Variants in EPHA6 observed in about 807,000 individuals in gnomAD.
EPHA6 encodes the protein EPH receptor A6, also known as ephrin type-A receptor 6.
EPHA6 carries 50 observed loss-of-function variants against 112.0 expected under a neutral mutation model. The ratio of observed to expected loss-of-function variants is 0.45; its 90% CI spans 0.36 to 0.56. EPHA6 has a LOEUF of 0.56. Ranked by LOEUF, EPHA6 falls within the 20% of genes least tolerant of loss-of-function variation. The pLI, the probability that EPHA6 is intolerant of heterozygous loss-of-function variation, is 0.00. For synonymous variants in EPHA6, 529 were observed against 490.7 expected (o/e 1.08, Z -1.03); for missense variants, 1,280 against 1,417.4 (o/e 0.90, Z 1.56).
Position 97,758,982 on chromosome 3 carries a change from T to A in EPHA6, c.*10281T>A, listed in dbSNP as rs1202917438. Among the ~76,000 whole-genome samples, 1 of 151,944 alleles carries A rather than the reference T, an allele frequency of 6.6e-6. No homozygotes were observed. The highest frequency in any genetic ancestry group is 2.4e-5 in the African/African-American group (1 of 41,410). ...TCACTACTTCAAGATTTGGAAGGCA[T>A]CAGTATATATATGCTATTTAAAGTT... is the stretch of plus-strand genomic sequence containing the variant. On this transcript the variant is annotated 3_prime_UTR_variant, in exon 18 of 18. Coordinates refer to ENST00000389672, the MANE Select transcript of EPHA6 (RefSeq NM_001080448.3).
intron 3 of EPHA6, among the ~76,000 whole-genome samples, chr3:97,137,381 C>G (rs1339729136): frequency 6.6e-6 from 1 of 152,092 alleles, no homozygotes; most frequent in East Asian, 1.9e-4. Flanking sequence ...TAGAGTCAAA[C>G]TGCTTGGATT....
At chr3:96,997,237 CCTT>C (rs1161299499) in intron 3 of EPHA6, among the ~76,000 whole-genome samples, 4 of 152,034 alleles carry the variant, frequency 2.6e-5, no homozygotes, top group African/African-American at 9.7e-5. Flanking sequence ...CACTAAAACT[CCTT>C]CTCAACAATA....
At chr3:97,419,342 G>T (rs2088413349) in intron 6 of EPHA6, among the ~76,000 whole-genome samples, 1 of 151,804 alleles carries the variant, frequency 6.6e-6, no homozygotes, top group Non-Finnish European at 1.5e-5. Context: ...AAACAGAAGG[G>T]GTCAGGCACG....
chr3:97,662,519 C>T (rs1005709286), intron 14 of EPHA6, among the ~76,000 whole-genome samples: 8 of 152,146 alleles, frequency 5.3e-5, no homozygotes, highest in African/African-American at 1.9e-4. Context: ...TGAGAGAATG[C>T]ATCCCAGTTC....
chr3:97,590,612 C>T (rs2093534108), intron 11 of EPHA6, among the ~76,000 whole-genome samples: 1 of 151,938 alleles, frequency 6.6e-6, no homozygotes, highest in Non-Finnish European at 1.5e-5. Context: ...TTTCTTTGCT[C>T]TTCATGACTA....
intron 14 of EPHA6, among the ~76,000 whole-genome samples, chr3:97,701,911 T>C (rs1327881010): frequency 2.0e-5 from 3 of 152,172 alleles, no homozygotes; most frequent in Non-Finnish European, 4.4e-5. Flanking sequence ...GAGTGCCAAG[T>C]TGAAAATAAT....
chr3:96,819,827 A>G (rs1317117598), intron 1 of EPHA6, among the ~76,000 whole-genome samples: 1 of 152,152 alleles, frequency 6.6e-6, no homozygotes, highest in African/African-American at 2.4e-5. Context: ...AATTTGGATT[A>G]TGGATTTAAA....
At chr3:97,357,675 A>G (rs780732928) in intron 5 of EPHA6, among the ~76,000 whole-genome samples, 3 of 152,210 alleles carry the variant, frequency 2.0e-5, no homozygotes, top group Admixed American at 6.5e-5. Context: ...TTTGTGTATA[A>G]TTTTGACTCT....
intron 12 of EPHA6, among the ~76,000 whole-genome samples, chr3:97,602,041 C>T (rs1453039987): frequency 6.6e-6 from 1 of 151,990 alleles, no homozygotes; most frequent in Non-Finnish European, 1.5e-5. Context: ...TTAAAATATT[C>T]AGGATGTAAC....
At chr3:96,845,158 C>T (rs2034995169) in intron 1 of EPHA6, among the ~76,000 whole-genome samples, 1 of 151,714 alleles carries the variant, frequency 6.6e-6, no homozygotes, top group South Asian at 2.1e-4. Context: ...GTTTTATGAT[C>T]AAAGAAGAAA....
chr3:97,495,549 C>T (rs994400631), intron 10 of EPHA6, among the ~76,000 whole-genome samples: 1 of 151,868 alleles, frequency 6.6e-6, no homozygotes, highest in South Asian at 2.1e-4. Flanking sequence ...CATAAATATT[C>T]CTATTCAATT....
At chr3:97,104,021 G>A (rs545460179) in intron 3 of EPHA6, among the ~76,000 whole-genome samples, 2 of 152,070 alleles carry the variant, frequency 1.3e-5, no homozygotes, top group Non-Finnish European at 2.9e-5. Flanking sequence ...TGCTGAAGTT[G>A]TTTATCAGCT....
chr3:96,958,117 C>T (rs140076816), intron 2 of EPHA6, among the ~76,000 whole-genome samples: 108 of 152,104 alleles, frequency 7.1e-4, no homozygotes, highest in African/African-American at 2.5e-3. Context: ...ATGGTGAAAC[C>T]CCATCTCTAC....
intron 5 of EPHA6, among the ~76,000 whole-genome samples, chr3:97,315,497 C>T (rs1255140581): frequency 1.3e-5 from 2 of 151,538 alleles, no homozygotes; most frequent in African/African-American, 4.8e-5. Flanking sequence ...TGTCATAAAA[C>T]TTGTCTATGA....
intron 3 of EPHA6, among the ~76,000 whole-genome samples, chr3:97,135,429 A>C (rs2108337912): frequency 6.6e-6 from 1 of 152,182 alleles, no homozygotes; most frequent in East Asian, 1.9e-4. Context: ...TCACTTCAAA[A>C]AATTTTGTTG....
At chr3:96,860,423 T>A (rs899356790) in intron 1 of EPHA6, among the ~76,000 whole-genome samples, 4 of 152,112 alleles carry the variant, frequency 2.6e-5, no homozygotes, top group African/African-American at 9.7e-5. Flanking sequence ...ATAGAAATGG[T>A]TTTGGATTGA....
chr3:97,596,906 G>A (rs867120891), intron 12 of EPHA6, among the ~76,000 whole-genome samples: 1,805 of 92,020 alleles, frequency 0.02, 61 homozygotes, highest in African/African-American at 0.11. Flanking sequence ...ATATATATAT[G>A]TATGTATATA....
At chr3:97,232,327 A>G (rs1276814532) in intron 4 of EPHA6, among the ~76,000 whole-genome samples, 3 of 152,240 alleles carry the variant, frequency 2.0e-5, no homozygotes, top group East Asian at 1.9e-4. Context: ...TAAATTAAAA[A>G]GAAAGCTGTT....
intron 2 of EPHA6, among the ~76,000 whole-genome samples, chr3:96,926,956 C>T (rs2318068): frequency 0.069 from 10,497 of 152,198 alleles, 708 homozygotes; most frequent in Admixed American, 0.21. Flanking sequence ...GGGCGTCAAC[C>T]CCACATTTTC....
Sources: allele counts gnomAD v4.1 joint callset (sites outside exome capture counted in the v4.1 genomes callset), GRCh38; gene constraint gnomAD v4.1.1; transcripts MANE v1.5; gene names NCBI Gene and HGNC (gene_info 2026-07-23, HGNC 2026-07-21).